Variants in EEF1D observed in about 807,000 individuals in gnomAD.
EEF1D encodes eukaryotic translation elongation factor 1 delta.
In EEF1D, 47 loss-of-function variants were observed where a neutral mutation model predicts 63.9. That is an observed-to-expected ratio of 0.74 (90% confidence interval 0.58 to 0.94). EEF1D has a LOEUF of 0.94. Ranked by LOEUF, EEF1D falls within the 40% of genes least tolerant of loss-of-function variation. The pLI is 0.00. For missense variants in EEF1D, 907 were observed against 899.0 expected (o/e 1.01, Z -0.11); for synonymous variants, 412 against 386.1 (o/e 1.07, Z -0.79).
intron 5 of EEF1D, chr8:143,583,479 T>C (rs1209170205): frequency 1.3e-5 from 2 of 152,252 alleles, no homozygotes; most frequent in East Asian, 3.9e-4. Context: ...TGGAGTGCAA[T>C]ATGCCTGACT....
chr8:143,586,016 C>T, intron 5 of EEF1D: 1 of 500,190 alleles, frequency 2.0e-6, no homozygotes, highest in Non-Finnish European at 3.6e-6. Context: ...ACGAGGTAAG[C>T]ACGGAAGGGA....
chr8:143,592,779 A>G, intron 1 of EEF1D, 119 bp from the exon 2 acceptor site: 1 of 868,348 alleles, frequency 1.2e-6, no homozygotes, highest in Non-Finnish European at 1.4e-6. Context: ...CTGCTTGGCG[A>G]GGTGGTGTGG....
intron 7 of EEF1D, 46 bp downstream of exon 7, chr8:143,581,008 G>A (rs975661626): frequency 1.9e-6 from 3 of 1,588,700 alleles, no homozygotes; most frequent in African/African-American, 2.7e-5. Flanking sequence ...GAAGCCAGCA[G>A]GGCCACGTGG....
At chr8:143,592,727 A>T in intron 1 of EEF1D, 67 bp from the exon 2 acceptor site, 1 of 985,518 alleles carries the variant, frequency 1.0e-6, no homozygotes, top group Non-Finnish European at 1.2e-6. Context: ...GGTCAGACAC[A>T]GCAGCAGGTC....
chr8:143,580,620 C>G lies in EEF1D; in HGVS notation c.1596G>C (p.Glu532Asp). 1.9e-6 allele frequency: 3 copies of G among 1,613,892 alleles called. No individual in the cohort carries two copies. Among genetic ancestry groups the G allele is most frequent in the Non-Finnish European group, 8.5e-7 (1 of 1,179,920 alleles). ...DIDLFGSDNE[E>D]EDKEAAQLRE... ...GCAGCTGTGCCGCCTCCTTGTCCTC[C>G]TCCTCATTGTCACTGCCAAACAGGT... Residue 532 changes from glutamate to aspartate, a missense_variant, in exon 8 of 10, where the codon GAG becomes GAC. Coordinates refer to ENST00000618139, the MANE Select transcript of EEF1D (RefSeq NM_001130053.5).
At chr8:143,594,782 C>A in intron 1 of EEF1D, among the ~76,000 whole-genome samples, 1 of 152,220 alleles carries the variant, frequency 6.6e-6, no homozygotes, top group Non-Finnish European at 1.5e-5. Flanking sequence ...ACCTTCAGTG[C>A]CCAAAGGGCG....
chr8:143,586,286 T>C lies in EEF1D; in HGVS notation c.1220A>G (p.Asn407Ser), dbSNP rs1240044926. 1 of 1,603,092 alleles carries C rather than the reference T, an allele frequency of 6.2e-7. No individual in the cohort carries two copies. The highest frequency in any genetic ancestry group is 8.5e-7 in the Non-Finnish European group (1 of 1,175,652). ...GTCACGGAGGATCACGCTGGCGCCG[T>C]TCTCCTGCAGACAGTGCAGAAAGAA... ...GPVAGASRQE[N>S]GASVILRDIA... Residue 407 changes from asparagine (N) to serine (S), a missense_variant, in exon 5 of 10, where the codon AAC (asparagine) becomes AGC (serine). Physicochemically the swap from Asn to Ser is conservative, Grantham distance 46. Coordinates refer to ENST00000618139, the MANE Select transcript of EEF1D (RefSeq NM_001130053.5).
intron 1 of EEF1D, among the ~76,000 whole-genome samples, chr8:143,595,753 C>A (rs1387666563): frequency 6.6e-6 from 1 of 152,196 alleles, no homozygotes; most frequent in African/African-American, 2.4e-5. Flanking sequence ...GGCCGACCTG[C>A]CTGCCCGGCG....
At position 143,581,404 on chromosome 8, in the gene EEF1D, G is replaced by A. The variant is rs529426510; in HGVS notation, c.1288-76C>T. On this transcript the variant is annotated intron_variant, in intron 5 of 9. Coordinates refer to ENST00000618139, the MANE Select transcript of EEF1D (RefSeq NM_001130053.5). ...CCCCCTGCCATGCTCAGGACTGCAG[G>A]AACTCACGGAAGGAAAACTACAGCT... 2.2e-6 allele frequency: 3 copies of A among 1,338,186 alleles called. No homozygotes were observed. The South Asian group carries it at 3.9e-5, about 17-fold the overall frequency. 82.9% of individuals were successfully genotyped at this position (1,338,186 alleles called of 1,614,324 possible).
chr8:143,589,442 G>A lies in EEF1D; in HGVS notation c.640C>T (p.Pro214Ser). Residue 214 changes from proline to serine, a missense_variant, in exon 3 of 10, where the codon CCA (proline) becomes TCA (serine). Pro to Ser is a moderately conservative substitution (Grantham distance 74). Transcript: ENST00000618139. ...AVPDLAHQPS[P>S]PVNGQPPLGS... ...AGCGGGGGCTGGCCATTGACCGGTG[G>A]GCTGGGCTGGTGGGCCAGGTCGGGG... The A allele has an allele frequency of 1.3e-6, 2 of 1,530,476 alleles. No homozygotes were observed. Among genetic ancestry groups the A allele is most frequent in the Non-Finnish European group, 8.8e-7 (1 of 1,134,016 alleles). The allele number at this position is 1,530,476 out of a possible 1,614,324, so 94.8% of individuals were successfully genotyped here. A position where few individuals can be genotyped will look rare whatever the true frequency, so the allele number is the denominator to read the frequency against.
In EEF1D at chr8:143,585,932, GAC is replaced by G. The variant is rs1826496553; in HGVS notation, c.1287+285_1287+286del. ...AGGCTCTCATGCCAGGTGCCCACAG[GAC>G]ACCCTGCAAATGGCACCACTCAGCT... On this transcript the variant is annotated intron_variant, in intron 5 of 9. Coordinates refer to ENST00000618139, the MANE Select transcript of EEF1D (RefSeq NM_001130053.5). The G allele has an allele frequency of 3.5e-5, 15 of 424,600 alleles. 1 individual carries two copies. In the East Asian group the frequency reaches 5.4e-4, roughly 15 times the overall value. The allele number at this position is 424,600 out of a possible 1,614,324, so 26.3% of individuals were successfully genotyped here.
intron 5 of EEF1D, 121 bp from the exon 6 acceptor site, chr8:143,581,449 C>T: frequency 1.2e-6 from 1 of 829,666 alleles, no homozygotes; most frequent in Non-Finnish European, 1.9e-6. Flanking sequence ...AGGAGGTGCC[C>T]CCCGCTGATG....
chr8:143,593,487 G>A (rs186908786), intron 1 of EEF1D, among the ~76,000 whole-genome samples: 2 of 152,324 alleles, frequency 1.3e-5, no homozygotes, highest in East Asian at 3.9e-4. Context: ...CAACCCGAGA[G>A]CCCTGGCTGG....
intron 3 of EEF1D, among the ~76,000 whole-genome samples, chr8:143,587,992 C>T (rs1229825918): frequency 2.6e-5 from 4 of 152,332 alleles, no homozygotes; most frequent in Admixed American, 2.6e-4. Context: ...ATCGCTGGAC[C>T]TTGCCAAGTG....
Position 143,580,063 on chromosome 8 carries a change from G to A in EEF1D, c.1854C>T (p.Asp618=). The change falls in exon 9 of 10, where the codon GAC becomes GAT. Residue 618 remains aspartate, a synonymous_variant. Transcript: ENST00000618139. The stretch of plus-strand genomic sequence containing the variant: ...CCTCCAGCAAGTCTGTCCCCACCTT[G>A]TCGTCCTCCACCACACACTGAATCT... The part of the protein sequence containing the change: ...KLQIQCVVED[D]KVGTDLLEEE... 1 of 1,613,984 alleles carries A rather than the reference G, an allele frequency of 6.2e-7. No homozygotes were observed. The highest frequency in any genetic ancestry group is 1.1e-5 in the South Asian group (1 of 91,082).
At position 143,586,845 on chromosome 8, in the gene EEF1D, T is replaced by C. The variant is rs1826751784; in HGVS notation, c.1099A>G (p.Met367Val). Residue 367 changes from methionine (M) to valine (V), a missense_variant, in exon 4 of 10, where the codon ATG becomes GTG. Physicochemically the swap from Met to Val is conservative, Grantham distance 21 (BLOSUM62 1). Transcript: ENST00000618139. Reference protein sequence around the residue: ...SVSSLRPNRKMATNFLAHEKI... With the variant: ...SVSSLRPNRKVATNFLAHEKI... ...TCATGTGCTAGGAAGTTTGTAGCCATTTTTCTGCTGGGAGGGGAAAGAGGC... is the reference window on the plus strand; with the variant it reads ...TCATGTGCTAGGAAGTTTGTAGCCACTTTTCTGCTGGGAGGGGAAAGAGGC... 2 of 1,613,446 alleles carry C rather than the reference T, an allele frequency of 1.2e-6. No homozygotes were observed. Among genetic ancestry groups the C allele is most frequent in the Non-Finnish European group, 1.7e-6 (2 of 1,179,482 alleles).
In EEF1D at chr8:143,580,568, C is replaced by G; in HGVS notation, c.1648G>C (p.Glu550Gln). ...LREERLRQYAEKKAKKPALVA... is the reference protein window; with the variant it reads ...LREERLRQYAQKKAKKPALVA... ...AGTGCAGGCTTCTTGGCCTTCTTCT[C>G]CGCGTACTGCCGTAGCCGCTCCTCC... Residue 550 changes from glutamate to glutamine, a missense_variant, in exon 8 of 10, where the codon GAG (glutamate) becomes CAG (glutamine). Physicochemically the swap from Glu to Gln is conservative, Grantham distance 29 (BLOSUM62 2). Coordinates refer to ENST00000618139, the MANE Select transcript of EEF1D (RefSeq NM_001130053.5). The G allele has an allele frequency of 6.2e-7, 1 of 1,613,360 alleles. No individual in the cohort carries two copies.
intron 3 of EEF1D, among the ~76,000 whole-genome samples, chr8:143,588,015 C>A (rs541819072): frequency 2.0e-5 from 3 of 152,320 alleles, no homozygotes; most frequent in African/African-American, 4.8e-5. Context: ...CTCTCGGTAA[C>A]AAAGGGCTGG....
intron 1 of EEF1D, among the ~76,000 whole-genome samples, chr8:143,594,929 G>A (rs999953255): frequency 2.0e-5 from 3 of 152,174 alleles, no homozygotes; most frequent in African/African-American, 7.2e-5. Context: ...TTTTTGAGAC[G>A]GAGTCTCACT....
Sources: allele counts gnomAD v4.1 joint callset (sites outside exome capture counted in the v4.1 genomes callset), GRCh38; gene constraint gnomAD v4.1.1; transcripts MANE v1.5; gene names NCBI Gene and HGNC (gene_info 2026-07-23, HGNC 2026-07-21).